The following SBF2 variants were observed in gnomAD, a reference collection of about 807,000 sequenced individuals.
SBF2 encodes SET binding factor 2.
A neutral mutation model predicts 225.2 loss-of-function variants in SBF2; 112 were observed. The ratio of observed to expected loss-of-function variants is 0.50; its 90% CI spans 0.43 to 0.58. The LOEUF (loss-of-function observed/expected upper bound fraction) is 0.58. SBF2 is among the 20% of genes least tolerant of loss of function. The pLI, the probability that SBF2 is intolerant of heterozygous loss-of-function variation, is 0.00. For missense variants in SBF2, 1,996 were observed against 2,206.2 expected (o/e 0.90, Z 1.91); for synonymous variants, 763 against 773.3 (o/e 0.99, Z 0.22).
chr11:10,047,065 CAA>C (rs1457698810), intron 2 of SBF2, among the ~76,000 whole-genome samples: 1 of 152,008 alleles, frequency 6.6e-6, no homozygotes, highest in East Asian at 1.9e-4. Context: ...ATAAATCTAA[CAA>C]GATACGCAAA....
At chr11:10,161,461 A>G (rs1955731487) in intron 2 of SBF2, among the ~76,000 whole-genome samples, 1 of 152,244 alleles carries the variant, frequency 6.6e-6, no homozygotes, top group African/African-American at 2.4e-5. Context: ...CACAGGAATG[A>G]CTAGCTGAAG....
intron 3 of SBF2, among the ~76,000 whole-genome samples, chr11:10,034,476 G>T (rs544372699): frequency 6.6e-6 from 1 of 152,310 alleles, no homozygotes; most frequent in Non-Finnish European, 1.5e-5. Flanking sequence ...CTACCATTCA[G>T]GTTGAACACT....
Position 10,239,846 on chromosome 11 carries a change from T to C in SBF2, c.56-45859A>G, listed in dbSNP as rs183498279. Reference sequence around the variant, plus strand: ...CATGTATATTTTGGGTTTTAAAATTTTGATTATGTTTTATGTGTTCATTTA... The same window carrying C: ...CATGTATATTTTGGGTTTTAAAATTCTGATTATGTTTTATGTGTTCATTTA... On this transcript the variant is annotated intron_variant, in intron 1 of 39. Coordinates refer to ENST00000256190, the MANE Select transcript of SBF2 (RefSeq NM_030962.4). Among the ~76,000 whole-genome samples the C allele has an allele frequency of 1.5e-3, 226 of 152,302 alleles. 1 individual carries two copies. The highest frequency in any genetic ancestry group is 6.8e-3 in the Middle Eastern group (2 of 294).
At chr11:9,879,284 T>A (rs1019296015) in intron 17 of SBF2, among the ~76,000 whole-genome samples, 3 of 152,240 alleles carry the variant, frequency 2.0e-5, no homozygotes, top group African/African-American at 7.2e-5. Flanking sequence ...GACACATAGT[T>A]ATTAAAATCT....
At chr11:9,994,774 C>G (rs145443518) in intron 9 of SBF2, among the ~76,000 whole-genome samples, 1 of 151,950 alleles carries the variant, frequency 6.6e-6, no homozygotes, top group African/African-American at 2.4e-5. Flanking sequence ...CAGTGGCTCA[C>G]GCCTGTAATC....
At chr11:10,027,077 CT>C (rs573868094) in intron 6 of SBF2, among the ~76,000 whole-genome samples, 441 of 151,216 alleles carry the variant, frequency 2.9e-3, no homozygotes, top group African/African-American at 0.01. Context: ...ACTTCACATA[CT>C]TTTTTTTTGT....
chr11:10,021,024 C>G (rs1001528088), intron 6 of SBF2, among the ~76,000 whole-genome samples: 2 of 151,930 alleles, frequency 1.3e-5, no homozygotes, highest in Non-Finnish European at 2.9e-5. Context: ...AAAAAGAAAG[C>G]ATGCATAGAA....
intron 2 of SBF2, among the ~76,000 whole-genome samples, chr11:10,118,186 G>A (rs555108444): frequency 6.6e-6 from 1 of 152,228 alleles, no homozygotes; most frequent in African/African-American, 2.4e-5. Flanking sequence ...CAGGACATTA[G>A]ACAATTTAAA....
chr11:10,125,246 C>T (rs1182171079), intron 2 of SBF2, among the ~76,000 whole-genome samples: 1 of 151,302 alleles, frequency 6.6e-6, no homozygotes, highest in South Asian at 2.1e-4. Context: ...CAAATGAAAA[C>T]TACATAGCAT....
At chr11:10,188,881 A>C (rs1464674536) in intron 2 of SBF2, among the ~76,000 whole-genome samples, 1 of 152,192 alleles carries the variant, frequency 6.6e-6, no homozygotes. Context: ...AACTTTTAAA[A>C]TCCTTTTTAT....
At chr11:10,250,404 G>C (rs1386610184) in intron 1 of SBF2, among the ~76,000 whole-genome samples, 2 of 152,146 alleles carry the variant, frequency 1.3e-5, no homozygotes, top group Non-Finnish European at 2.9e-5. Flanking sequence ...AGTCCTTAAG[G>C]CTCTTGTTAT....
At chr11:9,831,484 C>T (rs1222854812) in intron 27 of SBF2, among the ~76,000 whole-genome samples, 1 of 152,198 alleles carries the variant, frequency 6.6e-6, no homozygotes, top group East Asian at 1.9e-4. Flanking sequence ...ATGGTTGTAC[C>T]TGGTGAATCA....
chr11:10,214,822 A>G (rs1348245471), intron 1 of SBF2, among the ~76,000 whole-genome samples: 1 of 152,174 alleles, frequency 6.6e-6, no homozygotes, highest in Non-Finnish European at 1.5e-5. Context: ...TGCCCAAAAC[A>G]GTTTTACATC....
In SBF2 at chr11:10,179,200, G is replaced by A. The variant is rs551838582; in HGVS notation, c.141+14702C>T. ...CACACTCTGGGGACTGTTGTATGGT[G>A]GGGGGAGGCGGGAGGGATAGCATTG... On this transcript the variant is annotated intron_variant, in intron 2 of 39. Coordinates refer to ENST00000256190, the MANE Select transcript of SBF2 (RefSeq NM_030962.4). Among the ~76,000 whole-genome samples the A allele has an allele frequency of 4.0e-5, 6 of 151,312 alleles. No individual in the cohort carries two copies. The East Asian group carries it at 1.2e-3, about 30-fold the overall frequency.
At chr11:10,079,594 G>C (rs2134855378) in intron 2 of SBF2, among the ~76,000 whole-genome samples, 1 of 152,214 alleles carries the variant, frequency 6.6e-6, no homozygotes, top group East Asian at 1.9e-4. Context: ...GAGAAGTATG[G>C]AACTATAAAA....
intron 16 of SBF2, among the ~76,000 whole-genome samples, chr11:9,936,744 T>C (rs191655328): frequency 5.3e-5 from 8 of 152,174 alleles, no homozygotes; most frequent in African/African-American, 1.2e-4. Flanking sequence ...TAGGTGGGAA[T>C]TGAACAATGA....
intron 1 of SBF2, among the ~76,000 whole-genome samples, chr11:10,225,396 C>G (rs1366145437): frequency 6.6e-6 from 1 of 151,038 alleles, no homozygotes; most frequent in Non-Finnish European, 1.5e-5. Flanking sequence ...ATTTTGAAAA[C>G]CCAATTTCCT....
chr11:9,849,342 G>T (rs937209649), intron 22 of SBF2, among the ~76,000 whole-genome samples: 2 of 152,184 alleles, frequency 1.3e-5, no homozygotes, highest in Non-Finnish European at 2.9e-5. Context: ...TTGGAGTCCT[G>T]TTGTTTTGCC....
chr11:9,977,923 T>C (rs1946774790), intron 13 of SBF2, among the ~76,000 whole-genome samples: 2 of 152,026 alleles, frequency 1.3e-5, no homozygotes, highest in South Asian at 4.1e-4. Flanking sequence ...ATTTTTGAGG[T>C]GCTTCAAAGG....
Sources: gnomAD v4.1 joint callset for allele counts (sites outside exome capture counted in the v4.1 genomes callset) on GRCh38, gnomAD v4.1.1 for gene constraint, MANE v1.5 for transcripts, NCBI Gene and HGNC (gene_info 2026-07-23, HGNC 2026-07-21) for gene names.